The following ADGRG6 variants were observed in gnomAD, a reference collection of about 807,000 sequenced individuals.
ADGRG6 encodes the protein adhesion G protein-coupled receptor G6.
ADGRG6 carries 84 observed loss-of-function variants against 142.4 expected under a neutral mutation model. That is an observed-to-expected ratio of 0.59 (90% confidence interval 0.49 to 0.71). The LOEUF (loss-of-function observed/expected upper bound fraction) is 0.71, where lower values mean the gene tolerates loss of function less well. ADGRG6 is among the 30% of genes least tolerant of loss of function. The pLI, the probability that ADGRG6 is intolerant of heterozygous loss-of-function variation, is 0.00. For synonymous variants in ADGRG6, 521 were observed against 520.5 expected, an observed-to-expected ratio of 1.00 and a Z score of -0.01; for missense variants, 1,367 against 1,466.6, an observed-to-expected ratio of 0.93 and a Z score of 1.11.
intron 2 of ADGRG6, among the ~76,000 whole-genome samples, chr6:142,321,290 C>T (rs1210091617): frequency 6.6e-6 from 1 of 150,860 alleles, no homozygotes; most frequent in African/African-American, 2.4e-5. Flanking sequence ...CATGCATACA[C>T]ACACACACAC....
intron 4 of ADGRG6, among the ~76,000 whole-genome samples, chr6:142,380,244 G>T (rs1781704396): frequency 6.6e-6 from 1 of 152,110 alleles, no homozygotes; most frequent in South Asian, 2.1e-4. Flanking sequence ...TGATGTTAAT[G>T]CTGGAGGGGT....
intron 2 of ADGRG6, among the ~76,000 whole-genome samples, chr6:142,356,050 A>G (rs1490556258): frequency 1.3e-5 from 2 of 152,324 alleles, no homozygotes; most frequent in East Asian, 3.9e-4. Context: ...GTTAATGCAT[A>G]CATTGCCTCA....
chr6:142,349,699 T>G (rs1032671928), intron 2 of ADGRG6, among the ~76,000 whole-genome samples: 4 of 152,222 alleles, frequency 2.6e-5, no homozygotes, highest in South Asian at 2.1e-4. Context: ...ATGTAGGGTT[T>G]CACTAATCCA....
intron 4 of ADGRG6, among the ~76,000 whole-genome samples, chr6:142,375,161 C>T (rs1269272581): frequency 1.3e-5 from 2 of 152,158 alleles, no homozygotes; most frequent in African/African-American, 4.8e-5. Context: ...TAAGATCATG[C>T]AGTTCTCATA....
chr6:142,336,500 C>T (rs1469692533), intron 2 of ADGRG6, among the ~76,000 whole-genome samples: 2 of 152,138 alleles, frequency 1.3e-5, no homozygotes, highest in South Asian at 4.1e-4. Flanking sequence ...TAAATAACCA[C>T]AGCCCTTGGT....
intron 2 of ADGRG6, among the ~76,000 whole-genome samples, chr6:142,337,713 G>T (rs1451491914): frequency 2.0e-5 from 3 of 152,074 alleles, no homozygotes; most frequent in Non-Finnish European, 4.4e-5. Context: ...GTAAATGTTG[G>T]TTGCAGTCAA....
At chr6:142,431,333 G>T (rs1777196410) in intron 22 of ADGRG6, among the ~76,000 whole-genome samples, 1 of 152,082 alleles carries the variant, frequency 6.6e-6, no homozygotes, top group Non-Finnish European at 1.5e-5. Flanking sequence ...CTCCAGAGTG[G>T]TAGTTTTCCA....
At chr6:142,327,349 C>T (rs1015066736) in intron 2 of ADGRG6, among the ~76,000 whole-genome samples, 14 of 152,028 alleles carry the variant, frequency 9.2e-5, no homozygotes, top group African/African-American at 3.4e-4. Context: ...AAAATCTTCT[C>T]ATTCAAACTT....
chr6:142,407,022 T>C (rs2115036626), intron 15 of ADGRG6, among the ~76,000 whole-genome samples: 1 of 152,104 alleles, frequency 6.6e-6, no homozygotes, highest in African/African-American at 2.4e-5. Context: ...TTGGTATTTC[T>C]CTACCAAAGT....
intron 2 of ADGRG6, among the ~76,000 whole-genome samples, chr6:142,317,154 G>A (rs1386314509): frequency 6.6e-6 from 1 of 152,096 alleles, no homozygotes; most frequent in East Asian, 1.9e-4. Flanking sequence ...CATCCTTGAT[G>A]CTTTACTTGG....
chr6:142,429,794 A>G (rs1353943533), intron 22 of ADGRG6, among the ~76,000 whole-genome samples: 2 of 152,164 alleles, frequency 1.3e-5, no homozygotes, highest in East Asian at 1.9e-4. Context: ...GCTCACGCCT[A>G]TAATACCAGT....
intron 6 of ADGRG6, among the ~76,000 whole-genome samples, chr6:142,389,556 C>G (rs1220968039): frequency 6.6e-5 from 10 of 152,030 alleles, no homozygotes; most frequent in African/African-American, 1.9e-4. Flanking sequence ...AGATTCCCCC[C>G]ACCCAAAGAG....
At chr6:142,402,510 C>G in intron 12 of ADGRG6, 110 bp from the exon 13 acceptor site, 2 of 633,898 alleles carry the variant, frequency 3.2e-6, no homozygotes, top group South Asian at 4.0e-5. Flanking sequence ...GAAAATCTCA[C>G]TTTCTTGCTT....
chr6:142,418,919 T>G (rs947714486), intron 21 of ADGRG6, among the ~76,000 whole-genome samples: 6 of 152,156 alleles, frequency 3.9e-5, no homozygotes, highest in Non-Finnish European at 7.4e-5. Flanking sequence ...ACTTTGCATA[T>G]AGTACAGTTT....
chr6:142,358,011 T>C (rs1780535922), intron 2 of ADGRG6, among the ~76,000 whole-genome samples: 1 of 152,254 alleles, frequency 6.6e-6, no homozygotes, highest in Non-Finnish European at 1.5e-5. Flanking sequence ...TTTATATAGA[T>C]ATCTCATTGG....
intron 24 of ADGRG6, among the ~76,000 whole-genome samples, chr6:142,439,705 A>T (rs1035667241): frequency 6.6e-6 from 1 of 152,196 alleles, no homozygotes; most frequent in African/African-American, 2.4e-5. Context: ...TTTGGGGGGA[A>T]TTGAATGAAG....
intron 2 of ADGRG6, among the ~76,000 whole-genome samples, chr6:142,351,953 T>G (rs946115624): frequency 3.9e-5 from 6 of 152,092 alleles, no homozygotes; most frequent in African/African-American, 1.4e-4. Flanking sequence ...TATTAAAAAG[T>G]TAAAAAACAA....
intron 10 of ADGRG6, among the ~76,000 whole-genome samples, chr6:142,399,623 C>G (rs1477606684): frequency 2.0e-5 from 3 of 152,146 alleles, no homozygotes; most frequent in Admixed American, 1.3e-4. Flanking sequence ...TTTAAATTAT[C>G]CGTTTTATTG....
chr6:142,419,396 T>C (rs1465696113), intron 21 of ADGRG6, among the ~76,000 whole-genome samples: 1 of 152,138 alleles, frequency 6.6e-6, no homozygotes, highest in Non-Finnish European at 1.5e-5. Flanking sequence ...TTGGCAGACT[T>C]CTACTTCCAT....
Sources: gnomAD v4.1 joint callset for allele counts (sites outside exome capture counted in the v4.1 genomes callset) on GRCh38, gnomAD v4.1.1 for gene constraint, MANE v1.5 for transcripts, NCBI Gene and HGNC (gene_info 2026-07-23, HGNC 2026-07-21) for gene names.